Variants in FAM83E observed in about 807,000 individuals in gnomAD.
FAM83E encodes the protein scaffolding CK1 anchoring protein E, also known as protein FAM83E.
Under a neutral mutation model 34.3 loss-of-function variants are expected in FAM83E, and 29 were observed. The ratio of observed to expected loss-of-function variants is 0.85; its 90% CI spans 0.63 to 1.15. The LOEUF is 1.15. FAM83E is among the 50% of genes most tolerant of loss of function. The pLI is 0.00. For synonymous variants in FAM83E, 312 were observed against 311.6 expected, an observed-to-expected ratio of 1.00 and a Z score of -0.01; for missense variants, 697 against 685.0, an observed-to-expected ratio of 1.02 and a Z score of -0.20.
At chr19:48,610,414 A>AAG (rs1363269945) in intron 4 of FAM83E, among the ~76,000 whole-genome samples, 1 of 151,242 alleles carries the variant, frequency 6.6e-6, no homozygotes, top group African/African-American at 2.4e-5. Flanking sequence ...AAAAAAAAAA[A>AAG]AAAAAAAAAA....
intron 3 of FAM83E, among the ~76,000 whole-genome samples, chr19:48,612,702 G>A (rs968469085): frequency 6.6e-5 from 10 of 152,062 alleles, no homozygotes; most frequent in African/African-American, 1.7e-4. Context: ...GCGCCCGGCC[G>A]GGCCCCCCTT....
rs762174581 is a variant in FAM83E at position 48,603,633 on chromosome 19, G to A, written c.1037C>T (p.Pro346Leu). Residue 346 changes from proline (P) to leucine (L), a missense_variant, in exon 6 of 7, where the codon CCG (proline) becomes CTG (leucine). By Grantham distance (98) the Pro-to-Leu change is moderately conservative. Coordinates refer to ENST00000263266, the MANE Select transcript of FAM83E (RefSeq NM_017708.4). Reference sequence around the variant, plus strand: ...TAGAATGTCACTGAGTGCCGGCCCCGGGGTAGCAGGGGAGACGCGGCAGGC... The same window carrying A: ...TAGAATGTCACTGAGTGCCGGCCCCAGGGTAGCAGGGGAGACGCGGCAGGC... The part of the protein sequence containing the change: ...LAACRVSPAT[P>L]GPALSDILRS... 9 of 1,370,764 alleles carry A rather than the reference G, an allele frequency of 6.6e-6. No homozygotes were observed. Among genetic ancestry groups the A allele is most frequent in the Middle Eastern group, 2.5e-4 (1 of 3,994 alleles). 84.9% of individuals were successfully genotyped at this position (1,370,764 alleles called of 1,614,324 possible). A position where few individuals can be genotyped will look rare whatever the true frequency, so the allele number is the denominator to read the frequency against.
chr19:48,602,704 A>AAAATAT (rs1973844092), intron 6 of FAM83E, among the ~76,000 whole-genome samples: 3 of 27,488 alleles, frequency 1.1e-4, no homozygotes, highest in Admixed American at 5.1e-4. Flanking sequence ...AAAAAAAAAA[A>AAAATAT]ATATATATAT....
At position 48,613,776 on chromosome 19, in the gene FAM83E, TCA is replaced by T; in HGVS notation, c.-406_-405del. ...CACACGACAGCCTCCAACCCACCAGTCACACAGTGCCCAGTCAGACCCTTCAG... is the reference window on the plus strand; with the variant it reads ...CACACGACAGCCTCCAACCCACCAGTCACAGTGCCCAGTCAGACCCTTCAG... On this transcript the variant is annotated 5_prime_UTR_variant, in exon 3 of 7. Transcript: ENST00000263266. 1 of 985,316 alleles carries T rather than the reference TCA, an allele frequency of 1.0e-6. No homozygotes were observed. The highest frequency in any genetic ancestry group is 1.2e-6 in the Non-Finnish European group (1 of 829,900). 61.0% of individuals were successfully genotyped at this position (985,316 alleles called of 1,614,324 possible).
intron 5 of FAM83E, among the ~76,000 whole-genome samples, chr19:48,606,559 G>A (rs1310859648): frequency 1.3e-5 from 2 of 152,212 alleles, no homozygotes; most frequent in African/African-American, 4.8e-5. Context: ...ATGCGGACAA[G>A]CTTGTGGCCA....
chr19:48,614,403 C>T lies in FAM83E; in HGVS notation c.-1031G>A. On this transcript the variant is annotated 5_prime_UTR_variant, in exon 3 of 7. Transcript: ENST00000263266. ...GGAGCCCTACCCAAGCTGCCCCCAG[C>T]CTGGTTTCTGCCTAAATGCTATCTC... 1 of 985,602 alleles carries T rather than the reference C, an allele frequency of 1.0e-6. No individual in the cohort carries two copies. Among genetic ancestry groups the T allele is most frequent in the South Asian group, 4.7e-5 (1 of 21,288 alleles). The allele number at this position is 985,602 out of a possible 1,614,324, so 61.1% of individuals were successfully genotyped here.
chr19:48,606,210 C>G (rs948663939), intron 5 of FAM83E, among the ~76,000 whole-genome samples: 3 of 152,150 alleles, frequency 2.0e-5, no homozygotes, highest in Non-Finnish European at 4.4e-5. Flanking sequence ...ACTCGGGAGG[C>G]TGAGTTACGA....
chr19:48,614,563 C>G lies in FAM83E; in HGVS notation c.-1191G>C. ...ACCCTGGACCCTTGATCCCTGCAAACCAGAAGCCCTTCATTCCAATCCCAC... is the reference window on the plus strand; with the variant it reads ...ACCCTGGACCCTTGATCCCTGCAAAGCAGAAGCCCTTCATTCCAATCCCAC... On this transcript the variant is annotated 5_prime_UTR_variant, in exon 3 of 7. Coordinates refer to ENST00000263266, the MANE Select transcript of FAM83E (RefSeq NM_017708.4). 1.0e-6 allele frequency: 1 copy of G among 986,206 alleles called. No homozygotes were observed. Among genetic ancestry groups the G allele is most frequent in the Non-Finnish European group, 1.2e-6 (1 of 830,544 alleles). The allele number at this position is 986,206 out of a possible 1,614,324, so 61.1% of individuals were successfully genotyped here.
rs963957102 is a variant in FAM83E, at chr19:48,604,533, CA to C, written c.759-623del. On this transcript the variant is annotated intron_variant, in intron 5 of 6. Coordinates refer to ENST00000263266, the MANE Select transcript of FAM83E (RefSeq NM_017708.4). Reference sequence around the variant, plus strand: ...TTTTAGTAGAGATGGGGTTTCACCACATTGGCCAGGCTGGTCTCGAACCCCT... The same window carrying C: ...TTTTAGTAGAGATGGGGTTTCACCACTTGGCCAGGCTGGTCTCGAACCCCT... 1.5e-3 allele frequency among the ~76,000 whole-genome samples: 218 copies of C among 149,868 alleles called. 1 individual carries two copies. Among genetic ancestry groups the C allele is most frequent in the African/African-American group, 4.9e-3 (203 of 41,032 alleles).
At chr19:48,607,455 C>G in intron 5 of FAM83E, 2 of 1,424,272 alleles carry the variant, frequency 1.4e-6, no homozygotes, top group Admixed American at 2.5e-5. Flanking sequence ...CCTGGACAAC[C>G]TCTTGCGGCC....
chr19:48,607,734 CTTTT>C (rs1474783333), intron 5 of FAM83E: 1 of 184,398 alleles, frequency 5.4e-6, no homozygotes, highest in African/African-American at 2.4e-5. Context: ...GTTTTCTTTT[CTTTT>C]TCTTTTCCTT....
intron 3 of FAM83E, 62 bp downstream of exon 3, chr19:48,612,846 A>C: frequency 5.5e-6 from 8 of 1,465,166 alleles, no homozygotes; most frequent in South Asian, 1.4e-5. Context: ...AGGACAAGGG[A>C]GAGAATGCCT....
intron 5 of FAM83E, among the ~76,000 whole-genome samples, chr19:48,608,939 T>C (rs1420359477): frequency 6.6e-6 from 1 of 152,006 alleles, no homozygotes; most frequent in Non-Finnish European, 1.5e-5. Flanking sequence ...TACTGACCTC[T>C]GCTGGGTGGA....
chr19:48,609,878 G>T lies in FAM83E; in HGVS notation c.756C>A (p.Tyr252Ter). ...LDGERVISGS[Y>*]SFTWSDARLH... ...GGGGGGCGGGGCGGGGGCTACACCTGTAGGATCCTGAGATGACCCTCTCGC... is the reference window on the plus strand; with the variant it reads ...GGGGGGCGGGGCGGGGGCTACACCTTTAGGATCCTGAGATGACCCTCTCGC... Residue 252 changes from tyrosine (Y) to a stop codon, truncating the protein, a stop_gained and splice_region_variant, in exon 5 of 7, where the codon TAC becomes TAA. Coordinates refer to ENST00000263266, the MANE Select transcript of FAM83E (RefSeq NM_017708.4). LOFTEE classifies it high-confidence loss of function. The T allele has an allele frequency of 6.2e-7, 1 of 1,612,596 alleles. No individual in the cohort carries two copies. The highest frequency in any genetic ancestry group is 8.5e-7 in the Non-Finnish European group (1 of 1,179,900).
At chr19:48,609,265 C>CTTTTTTTTTTTTTTT (rs869031073) in intron 5 of FAM83E, among the ~76,000 whole-genome samples, 249 of 99,738 alleles carry the variant, frequency 2.5e-3, no homozygotes, top group Middle Eastern at 8.3e-3. Flanking sequence ...TTCTTTCTTT[C>CTTTTTTTTTTTTTTT]TTTTTTTTTT....
At chr19:48,610,559 C>G in intron 4 of FAM83E, 121 bp downstream of exon 4, 1 of 1,225,324 alleles carries the variant, frequency 8.2e-7, no homozygotes, top group South Asian at 1.6e-5. Context: ...GCATCAGATC[C>G]CAGGGGACCA....
intron 6 of FAM83E, among the ~76,000 whole-genome samples, chr19:48,602,934 C>G (rs1016690260): frequency 6.7e-6 from 1 of 149,100 alleles, no homozygotes; most frequent in African/African-American, 2.5e-5. Context: ...TCACTGCAAC[C>G]GCCGCCTCCC....
Position 48,601,041 on chromosome 19 carries a change from G to T in FAM83E, c.*68C>A. 1 of 1,526,110 alleles carries T rather than the reference G, an allele frequency of 6.6e-7. No homozygotes were observed. 94.5% of individuals were successfully genotyped at this position (1,526,110 alleles called of 1,614,324 possible). A position where few individuals can be genotyped will look rare whatever the true frequency, so the allele number is the denominator to read the frequency against. ...TCCAAGGCAGGGCATTGAGGCAGAG[G>T]GCTCTGAGCCGACAGTTGTCCGGCA... On this transcript the variant is annotated 3_prime_UTR_variant, in exon 7 of 7. Transcript: ENST00000263266.
At position 48,614,544 on chromosome 19, in the gene FAM83E, G is replaced by A. The variant is rs1974110128; in HGVS notation, c.-1172C>T. 1.0e-6 allele frequency: 1 copy of A among 985,904 alleles called. No individual in the cohort carries two copies. Among genetic ancestry groups the A allele is most frequent in the Non-Finnish European group, 1.2e-6 (1 of 830,330 alleles). The allele number at this position is 985,904 out of a possible 1,614,324, so 61.1% of individuals were successfully genotyped here. A position where few individuals can be genotyped will look rare whatever the true frequency, so the allele number is the denominator to read the frequency against. On this transcript the variant is annotated 5_prime_UTR_variant, in exon 3 of 7. Coordinates refer to ENST00000263266, the MANE Select transcript of FAM83E (RefSeq NM_017708.4). ...TCCTGACCCAACCTCGGGGACCCTG[G>A]ACCCTTGATCCCTGCAAACCAGAAG...
Sources: gnomAD v4.1 joint callset for allele counts (sites outside exome capture counted in the v4.1 genomes callset) on GRCh38, gnomAD v4.1.1 for gene constraint, MANE v1.5 for transcripts, NCBI Gene and HGNC (gene_info 2026-07-23, HGNC 2026-07-21) for gene names.